RASGEF1C: variants seen among roughly 807,000 people sequenced by gnomAD.
RASGEF1C encodes the protein ras-GEF domain-containing family member 1C.
In RASGEF1C, 27 loss-of-function variants were observed where a neutral mutation model predicts 58.1. The observed-to-expected ratio is 0.46, with a 90% CI of 0.34 to 0.64. The LOEUF is 0.64. Ranked by LOEUF, RASGEF1C falls within the 30% of genes least tolerant of loss-of-function variation. The pLI is 0.01. For missense variants in RASGEF1C, 502 were observed against 605.1 expected, an observed-to-expected ratio of 0.83 and a Z score of 1.79; for synonymous variants, 243 against 246.3, an observed-to-expected ratio of 0.99 and a Z score of 0.13.
chr5:180,159,174 C>CTGT (rs1554114030), intron 1 of RASGEF1C, among the ~76,000 whole-genome samples: 1 of 148,724 alleles, frequency 6.7e-6, no homozygotes, highest in Non-Finnish European at 1.5e-5. Flanking sequence ...GAATCTCACT[C>CTGT]TGTTGCCCAG....
chr5:180,174,474 G>A (rs1056766573), intron 1 of RASGEF1C, among the ~76,000 whole-genome samples: 1 of 79,376 alleles, frequency 1.3e-5, no homozygotes, highest in Non-Finnish European at 2.6e-5. Flanking sequence ...CTGTGTGTAT[G>A]TGTGTCTGTG....
intron 1 of RASGEF1C, among the ~76,000 whole-genome samples, chr5:180,161,278 G>A (rs747257792): frequency 6.6e-6 from 1 of 152,260 alleles, no homozygotes; most frequent in Non-Finnish European, 1.5e-5. Flanking sequence ...GCAGTGGGCA[G>A]GAGAGGGACT....
rs187735421 is a variant in RASGEF1C at position 180,140,328 on chromosome 5, G to A, written c.-6-2270C>T. Among the ~76,000 whole-genome samples, 316 of 152,302 alleles carry A rather than the reference G, an allele frequency of 2.1e-3. 2 individuals carry two copies. The highest frequency in any genetic ancestry group is 3.9e-3 in the Non-Finnish European group (266 of 68,014). ...CAATGAATGGGCTTATCCTTGTGCC[G>A]CAGCCTTCAGTTTTTTCCTGTGGTT... On this transcript the variant is annotated intron_variant, in intron 1 of 13. Coordinates refer to ENST00000361132, the MANE Select transcript of RASGEF1C (RefSeq NM_175062.4).
At chr5:180,192,889 TGCCCACCACCACG>T (rs1186834943) in intron 1 of RASGEF1C, among the ~76,000 whole-genome samples, 2 of 139,600 alleles carry the variant, frequency 1.4e-5, no homozygotes, top group African/African-American at 5.1e-5. Context: ...GGACTACAGG[TGCCCACCACCACG>T]CCCAGCTAAT....
chr5:180,154,033 G>A (rs1394007621), intron 1 of RASGEF1C, among the ~76,000 whole-genome samples: 1 of 150,754 alleles, frequency 6.6e-6, no homozygotes, highest in Admixed American at 6.6e-5. Context: ...CTCCTGCCAT[G>A]AGAGAGAACT....
chr5:180,128,351 G>A, intron 5 of RASGEF1C, 59 bp downstream of exon 5: 1 of 1,470,952 alleles, frequency 6.8e-7, no homozygotes. Flanking sequence ...GGAGGGCACA[G>A]TGTATCTGTG....
intron 1 of RASGEF1C, among the ~76,000 whole-genome samples, chr5:180,178,808 C>T (rs886876611): frequency 1.3e-5 from 2 of 152,044 alleles, no homozygotes; most frequent in African/African-American, 2.4e-5. Context: ...CCTCAGACAG[C>T]CTTATATGTA....
intron 1 of RASGEF1C, among the ~76,000 whole-genome samples, chr5:180,201,846 G>A (rs906293969): frequency 6.6e-6 from 1 of 152,198 alleles, no homozygotes; most frequent in Non-Finnish European, 1.5e-5. Flanking sequence ...GAGGGCGTGA[G>A]GAGAGGAGCC....
Position 180,156,741 on chromosome 5 carries a change from C to T in RASGEF1C, c.-6-18683G>A, listed in dbSNP as rs1166109208. ...AAGCCGAGATCGTACCACTGCACTC[C>T]AGCCTGGGCAACCAGAGTGAGACCC... On this transcript the variant is annotated intron_variant, in intron 1 of 13. Transcript: ENST00000361132. The surrounding 1 kb of genome is among the most constrained non-coding windows in gnomAD (Gnocchi z 4.9). Among the ~76,000 whole-genome samples, 4 of 152,070 alleles carry T rather than the reference C, an allele frequency of 2.6e-5. No homozygotes were observed. Among genetic ancestry groups the T allele is most frequent in the Non-Finnish European group, 5.9e-5 (4 of 68,008 alleles).
At chr5:180,105,801 G>C (rs539233068) in intron 12 of RASGEF1C, among the ~76,000 whole-genome samples, 4 of 152,090 alleles carry the variant, frequency 2.6e-5, no homozygotes, top group African/African-American at 9.7e-5. Flanking sequence ...CTGGGAGGCA[G>C]AGGCTGCAGT....
In RASGEF1C at chr5:180,127,651, A is replaced by C. The variant is rs1766286124; in HGVS notation, c.672T>G (p.Phe224Leu). Residue 224 changes from phenylalanine (F) to leucine (L), a missense_variant, in exon 6 of 14, where the codon TTT (phenylalanine) becomes TTG (leucine). Coordinates refer to ENST00000361132, the MANE Select transcript of RASGEF1C (RefSeq NM_175062.4). ...GGTCCTTGTTCACAAAGGCCTGGACAAACTCCTCAGGCCCGATGTGCCGCA... is the reference window on the plus strand; with the variant it reads ...GGTCCTTGTTCACAAAGGCCTGGACCAACTCCTCAGGCCCGATGTGCCGCA... ...ERLRHIGPEEFVQAFVNKDPL... is the reference protein window; with the variant it reads ...ERLRHIGPEELVQAFVNKDPL... 6.2e-7 allele frequency: 1 copy of C among 1,613,194 alleles called. No individual in the cohort carries two copies.
At chr5:180,181,369 C>G (rs1188013073) in intron 1 of RASGEF1C, among the ~76,000 whole-genome samples, 2 of 152,206 alleles carry the variant, frequency 1.3e-5, no homozygotes, top group Non-Finnish European at 2.9e-5. Flanking sequence ...CTGAGTCCCT[C>G]CTAAACAGAT....
chr5:180,113,135 G>A (rs111161620), intron 11 of RASGEF1C, among the ~76,000 whole-genome samples: 1 of 124,130 alleles, frequency 8.1e-6, no homozygotes, highest in African/African-American at 3.1e-5. Context: ...CGGAGGGATC[G>A]AGGATGGATG....
chr5:180,203,160 G>C (rs1320273897), intron 1 of RASGEF1C, among the ~76,000 whole-genome samples: 1 of 152,166 alleles, frequency 6.6e-6, no homozygotes, highest in Non-Finnish European at 1.5e-5. Context: ...CTACCTCTTG[G>C]TGTTCATACA....
At chr5:180,141,176 T>C (rs1766573988) in intron 1 of RASGEF1C, among the ~76,000 whole-genome samples, 1 of 152,234 alleles carries the variant, frequency 6.6e-6, no homozygotes, top group African/African-American at 2.4e-5. Flanking sequence ...CGCACTGGGC[T>C]TTCTTCACTA....
intron 4 of RASGEF1C, among the ~76,000 whole-genome samples, chr5:180,129,139 A>G (rs1433384165): frequency 6.6e-6 from 1 of 152,144 alleles, no homozygotes; most frequent in African/African-American, 2.4e-5. Flanking sequence ...CGGGGGACTG[A>G]CTGTGCCCCC....
intron 10 of RASGEF1C, among the ~76,000 whole-genome samples, chr5:180,117,457 G>A (rs1274324122): frequency 2.0e-5 from 3 of 152,184 alleles, no homozygotes; most frequent in Admixed American, 2.0e-4. Flanking sequence ...ACCACAGCAG[G>A]GACCTGATCC....
At chr5:180,107,727 G>C (rs1393121286) in intron 12 of RASGEF1C, among the ~76,000 whole-genome samples, 4 of 152,132 alleles carry the variant, frequency 2.6e-5, no homozygotes, top group African/African-American at 9.7e-5. Context: ...TTGTGCCTCA[G>C]CCACCCAAGT....
At chr5:180,187,792 A>G (rs924727647) in intron 1 of RASGEF1C, among the ~76,000 whole-genome samples, 1 of 152,226 alleles carries the variant, frequency 6.6e-6, no homozygotes, top group African/African-American at 2.4e-5. Flanking sequence ...TCACAAGACA[A>G]TCAAATACCA....
Sources: allele counts gnomAD v4.1 joint callset (sites outside exome capture counted in the v4.1 genomes callset), GRCh38; gene constraint gnomAD v4.1.1; non-coding constraint Gnocchi (gnomAD v3.1); transcripts MANE v1.5; gene names NCBI Gene and HGNC (gene_info 2026-07-23, HGNC 2026-07-21).